Variants in HECTD4 observed in about 807,000 individuals in gnomAD.
HECTD4 encodes probable E3 ubiquitin-protein ligase HECTD4.
Under a neutral mutation model 471.5 loss-of-function variants are expected in HECTD4, and 114 were observed. The observed-to-expected ratio is 0.24, with a 90% CI of 0.21 to 0.28. The LOEUF is 0.28. HECTD4 is among the 10% of genes least tolerant of loss of function. The probability of loss-of-function intolerance (pLI) is 1.00; values close to 1 mark genes in which losing one functional copy is unlikely to be tolerated. For synonymous variants in HECTD4, 2,012 were observed against 2,256.0 expected, an observed-to-expected ratio of 0.89 and a Z score of 3.07; for missense variants, 3,866 against 5,651.5, an observed-to-expected ratio of 0.68 and a Z score of 10.13.
Position 112,235,535 on chromosome 12 carries a change from G to A in HECTD4, c.5694C>T (p.Leu1898=), listed in dbSNP as rs1398633533. 1.2e-6 allele frequency: 2 copies of A among 1,613,474 alleles called. No homozygotes were observed. The highest frequency in any genetic ancestry group is 2.2e-5 in the South Asian group (2 of 91,014). The change falls in exon 36 of 76, where the codon CTC becomes CTT. Residue 1898 remains leucine (L), a synonymous_variant. Coordinates refer to ENST00000682272, the MANE Select transcript of HECTD4 (RefSeq NM_001388303.1). This position sits in a 1 kb window ranked among gnomAD's most constrained non-coding sequence, Gnocchi z 5.0. ...SDPASKIASL[L]LAKLADYVVP... is the part of the protein sequence containing the mutation. ...CCACATAATCTGCCAGCTTTGCTAA[G>A]AGCAGGGAGGCGATCTTGGAAGCTG...
intron 1 of HECTD4, chr12:112,322,549 G>A (rs981677401): frequency 6.6e-6 from 1 of 152,556 alleles, no homozygotes; most frequent in Non-Finnish European, 1.5e-5. Context: ...GGTGGGGCTC[G>A]TATGTAATAA....
intron 7 of HECTD4, among the ~76,000 whole-genome samples, chr12:112,299,930 T>C (rs2035127384): frequency 6.6e-6 from 1 of 152,232 alleles, no homozygotes; most frequent in Non-Finnish European, 1.5e-5. Context: ...CTTTATGTTG[T>C]CTTCACAGTT....
intron 7 of HECTD4, among the ~76,000 whole-genome samples, chr12:112,301,323 A>C (rs569187344): frequency 1.5e-4 from 22 of 151,114 alleles, no homozygotes; most frequent in South Asian, 1.3e-3. Flanking sequence ...GCTGGGCTTT[A>C]CAGGTGCCCA....
chr12:112,235,249 A>T lies in HECTD4; in HGVS notation c.5743T>A (p.Ser1915Thr). Reference protein sequence around the residue: ...YVVPGCQTVLSPTASEPDTTL... With the variant: ...YVVPGCQTVLTPTASEPDTTL... Reference sequence around the variant, plus strand: ...GTGTCAGGTTCAGAAGCGGTTGGAGAAAGAACTGTCTGACATCCTTTAAGC... The same window carrying T: ...GTGTCAGGTTCAGAAGCGGTTGGAGTAAGAACTGTCTGACATCCTTTAAGC... The change falls in exon 37 of 76, where the codon TCT becomes ACT. Residue 1915 changes from serine to threonine, a missense_variant. By Grantham distance (58) the Ser-to-Thr change is moderately conservative. This residue lies in a region of HECTD4 where 617 missense variants were observed against 915.1 expected (regional missense o/e 0.67). Coordinates refer to ENST00000682272, the MANE Select transcript of HECTD4 (RefSeq NM_001388303.1). The surrounding 1 kb of genome is among the most constrained non-coding windows in gnomAD (Gnocchi z 5.0). 6.2e-7 allele frequency: 1 copy of T among 1,613,672 alleles called. No individual in the cohort carries two copies. Among genetic ancestry groups the T allele is most frequent in the Non-Finnish European group, 8.5e-7 (1 of 1,179,788 alleles).
At chr12:112,327,468 T>C (rs573455988) in intron 1 of HECTD4, among the ~76,000 whole-genome samples, 47 of 152,182 alleles carry the variant, frequency 3.1e-4, no homozygotes, top group Non-Finnish European at 3.2e-4. Flanking sequence ...AGTATAAAAA[T>C]TGCATATGCC....
At chr12:112,282,933 T>C (rs2034675060) in intron 8 of HECTD4, among the ~76,000 whole-genome samples, 177 bp downstream of exon 8, 2 of 152,172 alleles carry the variant, frequency 1.3e-5, no homozygotes, top group South Asian at 4.1e-4. Flanking sequence ...TGAATTTGTG[T>C]CCATAGCCTA....
Position 112,239,775 on chromosome 12 carries a change from G to T in HECTD4, c.5105+106C>A. ...AGAAAAGTTTTGTATAGCTAGCTCT[G>T]GATAATGAAAGCAAAAAATCCAATT... is the stretch of plus-strand genomic sequence containing the variant. On this transcript the variant is annotated intron_variant, in intron 33 of 75. Coordinates refer to ENST00000682272, the MANE Select transcript of HECTD4 (RefSeq NM_001388303.1). The surrounding 1 kb of genome is among the most constrained non-coding windows in gnomAD (Gnocchi z 4.9). 1.9e-6 allele frequency: 2 copies of T among 1,080,738 alleles called. No individual in the cohort carries two copies. The highest frequency in any genetic ancestry group is 2.5e-5 in the East Asian group (1 of 39,328). 66.9% of individuals were successfully genotyped at this position (1,080,738 alleles called of 1,614,324 possible).
At chr12:112,202,209 AT>A (rs146967252) in intron 54 of HECTD4, among the ~76,000 whole-genome samples, 184 of 145,128 alleles carry the variant, frequency 1.3e-3, no homozygotes, top group East Asian at 5.6e-3. Context: ...AGATGATGTA[AT>A]TTTTTTTTTT....
In HECTD4 at chr12:112,283,303, C is replaced by A. The variant is rs1480845243; in HGVS notation, c.1336-1G>T. 1 of 1,598,648 alleles carries A rather than the reference C, an allele frequency of 6.3e-7. No individual in the cohort carries two copies. Among genetic ancestry groups the A allele is most frequent in the Admixed American group, 1.7e-5 (1 of 57,372 alleles). On this transcript the variant is annotated splice_acceptor_variant, in intron 7 of 75. Transcript: ENST00000682272. LOFTEE classifies it high-confidence loss of function. ...TGGCTACAAATACACCATTTTCAACCTAACATAGAAAAAAAGGAGGTCCTA... is the reference window on the plus strand; with the variant it reads ...TGGCTACAAATACACCATTTTCAACATAACATAGAAAAAAAGGAGGTCCTA...
At chr12:112,305,816 T>A (rs2135681251) in intron 7 of HECTD4, among the ~76,000 whole-genome samples, 1 of 152,324 alleles carries the variant, frequency 6.6e-6, no homozygotes, top group South Asian at 2.1e-4. Context: ...TAAATACCCT[T>A]CTGTCTACAC....
At position 112,317,013 on chromosome 12, in the gene HECTD4, C is replaced by T. The variant is rs549667817; in HGVS notation, c.695+2212G>A. On this transcript the variant is annotated intron_variant, in intron 2 of 75. Transcript: ENST00000682272. Reference sequence around the variant, plus strand: ...ACAATAAAAATGTGAGTTTTATGAACCAACAATTAATAACTTAAACTGTTT... The same window carrying T: ...ACAATAAAAATGTGAGTTTTATGAATCAACAATTAATAACTTAAACTGTTT... Among the ~76,000 whole-genome samples, 270 of 152,236 alleles carry T rather than the reference C, an allele frequency of 1.8e-3. 1 individual carries two copies. Among genetic ancestry groups the T allele is most frequent in the Middle Eastern group, 6.8e-3 (2 of 294 alleles).
intron 7 of HECTD4, among the ~76,000 whole-genome samples, chr12:112,289,662 C>T (rs1252500468): frequency 2.6e-5 from 4 of 151,744 alleles, no homozygotes; most frequent in African/African-American, 7.3e-5. Context: ...ATAAGAAAAG[C>T]TACCATTATT....
Position 112,163,138 on chromosome 12 carries a change from G to A in HECTD4, c.13024C>T (p.Arg4342Cys), listed in dbSNP as rs767002103. Reference protein sequence around the residue: ...KFIKFACNQERIPFTCPCKDG... With the variant: ...KFIKFACNQECIPFTCPCKDG... ...TTGCAGGGGCAGGTGAACGGGATGC[G>A]CTCCTGGTTGCAGGCAAACTTGATG... Residue 4342 changes from arginine (R) to cysteine (C), a missense_variant, in exon 75 of 76, where the codon CGC (arginine) becomes TGC (cysteine). Arg to Cys is a radical substitution (Grantham distance 180). Coordinates refer to ENST00000682272, the MANE Select transcript of HECTD4 (RefSeq NM_001388303.1). The surrounding 1 kb of genome is among the most constrained non-coding windows in gnomAD (Gnocchi z 8.2). 6.2e-7 allele frequency: 1 copy of A among 1,614,020 alleles called. No homozygotes were observed. The highest frequency in any genetic ancestry group is 1.1e-5 in the South Asian group (1 of 91,086).
In HECTD4 at chr12:112,254,153, A is replaced by G; in HGVS notation, c.3337T>C (p.Tyr1113His). 4 of 1,613,942 alleles carry G rather than the reference A, an allele frequency of 2.5e-6. No homozygotes were observed. The highest frequency in any genetic ancestry group is 2.2e-5 in the East Asian group (1 of 44,892). ...CTACTGTTTGTGTTAGGCCCCGCAT[A>G]TATCACCAACTTCAAAACAGAAAAT... Reference protein sequence around the residue: ...SQYDYDKLVIYAGPNTNSRKV... With the variant: ...SQYDYDKLVIHAGPNTNSRKV... The change falls in exon 22 of 76, where the codon TAT (tyrosine) becomes CAT (histidine). Residue 1113 changes from tyrosine (Y) to histidine (H), a missense_variant. Tyr to His is a moderately conservative substitution (Grantham distance 83). Around this residue, in one of 16 missense-constraint regions of HECTD4, gnomAD observed 281 missense variants for 499.9 expected, o/e 0.56. Transcript: ENST00000682272.
intron 3 of HECTD4, among the ~76,000 whole-genome samples, chr12:112,314,152 C>T (rs1313170494): frequency 2.0e-5 from 3 of 152,158 alleles, no homozygotes; most frequent in Non-Finnish European, 2.9e-5. Flanking sequence ...AATCCTCCTG[C>T]TTCAGCCTCC....
chr12:112,368,018 A>G (rs971799416), intron 1 of HECTD4, among the ~76,000 whole-genome samples: 2 of 152,176 alleles, frequency 1.3e-5, no homozygotes. Context: ...CTGAATGTTA[A>G]TATTTTGTTA....
intron 32 of HECTD4, among the ~76,000 whole-genome samples, chr12:112,240,890 T>C (rs1347365174): frequency 1.3e-5 from 2 of 152,198 alleles, no homozygotes; most frequent in Non-Finnish European, 1.5e-5. Context: ...AAACACAACA[T>C]AGGGCCGATT....
At chr12:112,339,357 T>C (rs2036015106) in intron 1 of HECTD4, among the ~76,000 whole-genome samples, 2 of 127,504 alleles carry the variant, frequency 1.6e-5, no homozygotes. Flanking sequence ...ACTACATTTA[T>C]ATAATAAAGT....
chr12:112,237,912 G>A (rs551647446), intron 34 of HECTD4, among the ~76,000 whole-genome samples: 6 of 152,092 alleles, frequency 3.9e-5, no homozygotes, highest in African/African-American at 1.4e-4. Context: ...GTGCCACCAT[G>A]CCCGGCTAAT....
Sources: gnomAD v4.1 joint callset for allele counts (sites outside exome capture counted in the v4.1 genomes callset) on GRCh38, gnomAD v4.1.1 for gene constraint, gnomAD v4.1.1 regional missense constraint, Gnocchi (gnomAD v3.1) non-coding constraint, MANE v1.5 for transcripts, NCBI Gene and HGNC (gene_info 2026-07-23, HGNC 2026-07-21) for gene names.